Variants in SMG6 observed in about 807,000 individuals in gnomAD.
SMG6 encodes telomerase-binding protein EST1A.
Under a neutral mutation model 142.2 loss-of-function variants are expected in SMG6, and 66 were observed. The ratio of observed to expected loss-of-function variants is 0.46; its 90% CI spans 0.38 to 0.57. The LOEUF (loss-of-function observed/expected upper bound fraction) is 0.57. SMG6 is among the 20% of genes least tolerant of loss of function. The pLI is 0.00. For missense variants in SMG6, 1,793 were observed against 1,832.0 expected, an observed-to-expected ratio of 0.98 and a Z score of 0.39; for synonymous variants, 779 against 702.4, an observed-to-expected ratio of 1.11 and a Z score of -1.72.
chr17:2,267,990 G>A (rs967608544), intron 8 of SMG6, among the ~76,000 whole-genome samples: 8 of 152,114 alleles, frequency 5.3e-5, no homozygotes, highest in Middle Eastern at 3.4e-3. Flanking sequence ...CTCGGGATCC[G>A]CCTGCCTTGG....
chr17:2,266,251 G>C, intron 8 of SMG6: 1 of 873,196 alleles, frequency 1.1e-6, no homozygotes, highest in Non-Finnish European at 1.4e-6. Context: ...GTGGCCTGTG[G>C]GTAACACAGA....
At chr17:2,141,695 G>T (rs960453816) in intron 13 of SMG6, among the ~76,000 whole-genome samples, 7 of 152,106 alleles carry the variant, frequency 4.6e-5, no homozygotes, top group African/African-American at 1.7e-4. Context: ...CTCCTACCTT[G>T]GCCTCCCAAA....
chr17:2,169,780 G>A (rs575731101), intron 13 of SMG6, among the ~76,000 whole-genome samples: 14 of 152,212 alleles, frequency 9.2e-5, no homozygotes, highest in East Asian at 1.9e-4. Flanking sequence ...TAAGTGAGAG[G>A]AGCAACCATC....
intron 10 of SMG6, among the ~76,000 whole-genome samples, chr17:2,189,314 A>G (rs1817867095): frequency 6.6e-6 from 1 of 152,066 alleles, no homozygotes; most frequent in African/African-American, 2.4e-5. Flanking sequence ...CTTTGGTGGG[A>G]GCTATGTGGC....
At chr17:2,206,550 G>A (rs1038040049) in intron 10 of SMG6, among the ~76,000 whole-genome samples, 1 of 152,038 alleles carries the variant, frequency 6.6e-6, no homozygotes, top group Non-Finnish European at 1.5e-5. Context: ...CTGCACTCTG[G>A]CCTGGGCAAC....
intron 13 of SMG6, chr17:2,088,247 G>C (rs2068619689): frequency 3.0e-6 from 3 of 985,302 alleles, no homozygotes; most frequent in Admixed American, 6.1e-5. Context: ...AGAAAGCATG[G>C]TTTCTGGCCG....
intron 10 of SMG6, chr17:2,200,161 T>C (rs2072471980): frequency 6.6e-6 from 1 of 151,826 alleles, no homozygotes; most frequent in Non-Finnish European, 1.5e-5. Context: ...CCTCAAGTGA[T>C]CCACCCACCT....
At chr17:2,202,662 G>A (rs961730325) in intron 10 of SMG6, among the ~76,000 whole-genome samples, 2 of 152,174 alleles carry the variant, frequency 1.3e-5, no homozygotes, top group Non-Finnish European at 2.9e-5. Context: ...AAGAAAAGTA[G>A]ACATACATGA....
intron 13 of SMG6, chr17:2,087,552 G>A (rs1480258998): frequency 2.6e-5 from 27 of 1,019,866 alleles, no homozygotes; most frequent in South Asian, 3.7e-5. Context: ...GAAGGTTCTC[G>A]GCTACCCAGA....
At chr17:2,216,991 C>A (rs1056393232) in intron 10 of SMG6, among the ~76,000 whole-genome samples, 1 of 152,120 alleles carries the variant, frequency 6.6e-6, no homozygotes, top group Non-Finnish European at 1.5e-5. Context: ...GAAACAGAAT[C>A]TTCCTTTATG....
intron 8 of SMG6, among the ~76,000 whole-genome samples, chr17:2,278,100 C>T (rs950877633): frequency 6.6e-6 from 1 of 151,998 alleles, no homozygotes; most frequent in African/African-American, 2.4e-5. Context: ...TGTGCATACA[C>T]GTATACACTT....
chr17:2,270,050 C>T (rs1265115096), intron 8 of SMG6, among the ~76,000 whole-genome samples: 1 of 152,004 alleles, frequency 6.6e-6, no homozygotes, highest in African/African-American at 2.4e-5. Flanking sequence ...AACAAAAAAA[C>T]TAGCACTTGA....
chr17:2,103,501 C>T lies in SMG6; in HGVS notation c.3358-17600G>A, dbSNP rs571932293. Reference sequence around the variant, plus strand: ...AACAGCGGACCAGTTTATAAAGCTACAGAGCGGAAAATTTCTGTTGCTGTC... The same window carrying T: ...AACAGCGGACCAGTTTATAAAGCTATAGAGCGGAAAATTTCTGTTGCTGTC... On this transcript the variant is annotated intron_variant, in intron 13 of 18. Transcript: ENST00000263073. 3.3e-5 allele frequency among the ~76,000 whole-genome samples: 5 copies of T among 152,330 alleles called. No homozygotes were observed. In the South Asian group the frequency reaches 1.0e-3, roughly 32 times the overall value.
chr17:2,198,666 TA>T (rs1251505439), intron 10 of SMG6, among the ~76,000 whole-genome samples: 1 of 152,000 alleles, frequency 6.6e-6, no homozygotes, highest in African/African-American at 2.4e-5. Flanking sequence ...TATTTCAAAA[TA>T]AAAAGCTTTA....
intron 13 of SMG6, among the ~76,000 whole-genome samples, chr17:2,091,319 G>A (rs562457742): frequency 6.6e-6 from 1 of 152,238 alleles, no homozygotes; most frequent in Non-Finnish European, 1.5e-5. Context: ...CAGAAGGCAG[G>A]AGCGAAACTG....
At chr17:2,224,471 T>C (rs1203005725) in intron 10 of SMG6, among the ~76,000 whole-genome samples, 2 of 152,100 alleles carry the variant, frequency 1.3e-5, no homozygotes, top group African/African-American at 4.8e-5. Flanking sequence ...ACATTGTCAA[T>C]GGGGCATATT....
chr17:2,178,064 G>C (rs1567661411), intron 12 of SMG6, among the ~76,000 whole-genome samples: 1 of 152,210 alleles, frequency 6.6e-6, no homozygotes, highest in Non-Finnish European at 1.5e-5. Context: ...AAGTGTGGCA[G>C]AGTTAAAAGA....
intron 12 of SMG6, among the ~76,000 whole-genome samples, chr17:2,180,091 G>A (rs1450220049): frequency 1.3e-5 from 2 of 152,172 alleles, no homozygotes; most frequent in South Asian, 2.1e-4. Context: ...GATGCAAGGG[G>A]TCACTATGCT....
At chr17:2,174,074 T>C (rs868408683) in intron 12 of SMG6, among the ~76,000 whole-genome samples, 1 of 152,018 alleles carries the variant, frequency 6.6e-6, no homozygotes, top group Middle Eastern at 3.4e-3. Context: ...TGAGCTAGAG[T>C]GGCAAGAGGC....
Sources: allele counts gnomAD v4.1 joint callset (sites outside exome capture counted in the v4.1 genomes callset), GRCh38; gene constraint gnomAD v4.1.1; transcripts MANE v1.5; gene names NCBI Gene and HGNC (gene_info 2026-07-23, HGNC 2026-07-21).